The following ARHGEF26 variants were observed in gnomAD, a reference collection of about 807,000 sequenced individuals.
ARHGEF26 encodes Rho guanine nucleotide exchange factor 26.
A neutral mutation model predicts 89.4 loss-of-function variants in ARHGEF26; 59 were observed. The ratio of observed to expected loss-of-function variants is 0.66; its 90% CI spans 0.54 to 0.82. The LOEUF is 0.82. ARHGEF26 is among the 40% of genes least tolerant of loss of function. The probability of loss-of-function intolerance (pLI) is 0.00; values close to 1 mark genes in which losing one functional copy is unlikely to be tolerated. For missense variants in ARHGEF26, 1,234 were observed against 1,085.6 expected, an observed-to-expected ratio of 1.14 and a Z score of -1.92; for synonymous variants, 500 against 428.4, an observed-to-expected ratio of 1.17 and a Z score of -2.06.
At chr3:154,253,069 T>C (rs756089893) in intron 12 of ARHGEF26, 47 bp from the exon 13 acceptor site, 1 of 1,607,688 alleles carries the variant, frequency 6.2e-7, no homozygotes, top group Non-Finnish European at 8.5e-7. Context: ...CTCCATTCTG[T>C]GTTTTTACAC....
At chr3:154,238,714 A>C (rs1717269504) in intron 11 of ARHGEF26, among the ~76,000 whole-genome samples, 1 of 152,164 alleles carries the variant, frequency 6.6e-6, no homozygotes, top group South Asian at 2.1e-4. Flanking sequence ...CACTTATGTG[A>C]CAGTTATTTA....
chr3:154,162,523 A>G (rs1394979313), intron 6 of ARHGEF26, among the ~76,000 whole-genome samples: 3 of 152,096 alleles, frequency 2.0e-5, no homozygotes, highest in Non-Finnish European at 2.9e-5. Context: ...TTGTTTTGCT[A>G]TAATGTTGAT....
At chr3:154,239,313 TGTGTGTGTGTG>T (rs763159595) in intron 11 of ARHGEF26, among the ~76,000 whole-genome samples, 1 of 135,042 alleles carries the variant, frequency 7.4e-6, no homozygotes, top group East Asian at 2.2e-4. Flanking sequence ...TGTGTGTGTG[TGTGTGTGTGTG>T]TGTGTGTGTG....
At chr3:154,224,542 T>G (rs1018876531) in intron 10 of ARHGEF26, among the ~76,000 whole-genome samples, 1 of 152,248 alleles carries the variant, frequency 6.6e-6, no homozygotes, top group East Asian at 1.9e-4. Flanking sequence ...AAGATAGTCC[T>G]GTGTTTCCTG....
intron 5 of ARHGEF26, among the ~76,000 whole-genome samples, chr3:154,150,592 C>T (rs543354041): frequency 6.6e-6 from 1 of 152,180 alleles, no homozygotes; most frequent in Admixed American, 6.5e-5. Context: ...TCATATAGTA[C>T]TCTAGTCTAT....
chr3:154,187,717 A>G lies in ARHGEF26; in HGVS notation c.1520A>G (p.Asn507Ser), dbSNP rs774117651. Residue 507 changes from asparagine to serine, a missense_variant, in exon 7 of 15, where the codon AAT (asparagine) becomes AGT (serine). Physicochemically the swap from Asn to Ser is conservative, Grantham distance 46. Coordinates refer to ENST00000465093, the MANE Select transcript of ARHGEF26 (RefSeq NM_015595.4). ...ATAGAGTTGGAAGCAAGACATCAGA[A>G]TAATATCTTCATAGATGACATAAGT... ...FFIELEARHQ[N>S]NIFIDDISDI... 6 of 1,610,468 alleles carry G rather than the reference A, an allele frequency of 3.7e-6. No individual in the cohort carries two copies. In the East Asian group the frequency reaches 6.7e-5, roughly 18 times the overall value.
intron 1 of ARHGEF26, 54 bp from the exon 2 acceptor site, chr3:154,121,888 C>T: frequency 6.9e-7 from 1 of 1,445,322 alleles, no homozygotes; most frequent in Non-Finnish European, 9.2e-7. Context: ...CGCGAGTCGG[C>T]CAGGCGTCCC....
intron 4 of ARHGEF26, among the ~76,000 whole-genome samples, chr3:154,131,275 T>G (rs569779577): frequency 1.0e-3 from 154 of 152,304 alleles, no homozygotes; most frequent in Non-Finnish European, 1.8e-3. Context: ...TGACCAGATG[T>G]TCTGATAATT....
chr3:154,188,446 T>A (rs1713729509), intron 7 of ARHGEF26, among the ~76,000 whole-genome samples: 1 of 152,226 alleles, frequency 6.6e-6, no homozygotes, highest in South Asian at 2.1e-4. Flanking sequence ...TTTTTGTCCT[T>A]TTTAGGTTAC....
In ARHGEF26 at chr3:154,257,167, G is replaced by GCCCCACACTGGC; in HGVS notation, c.*1694_*1695insCCCCACACTGGC. 1.8e-6 allele frequency: 1 copy of GCCCCACACTGGC among 563,738 alleles called. No individual in the cohort carries two copies. The highest frequency in any genetic ancestry group is 2.9e-6 in the Non-Finnish European group (1 of 340,972). The allele number at this position is 563,738 out of a possible 1,614,324, so 34.9% of individuals were successfully genotyped here. A position where few individuals can be genotyped will look rare whatever the true frequency, so the allele number is the denominator to read the frequency against. On this transcript the variant is annotated 3_prime_UTR_variant, in exon 15 of 15. Transcript: ENST00000465093. ...CCTGTCACCTCGGCAATGAGCCAGT[G>GCCCCACACTGGC]TGGGGCACTGGGGACTTCTAACCCT...
At chr3:154,223,594 A>T (rs357496) in intron 10 of ARHGEF26, among the ~76,000 whole-genome samples, 103,352 of 152,044 alleles carry the variant, frequency 0.68, 35,412 homozygotes, top group East Asian at 0.87. Flanking sequence ...AAATTCAAAG[A>T]TCACATATTG....
chr3:154,243,763 C>T (rs1407352249), intron 12 of ARHGEF26, among the ~76,000 whole-genome samples: 1 of 140,486 alleles, frequency 7.1e-6, no homozygotes, highest in Non-Finnish European at 1.5e-5. Context: ...CCCTCAATTA[C>T]AGTTGAGAAG....
chr3:154,200,155 C>T (rs1714539223), intron 9 of ARHGEF26, among the ~76,000 whole-genome samples: 1 of 152,034 alleles, frequency 6.6e-6, no homozygotes. Flanking sequence ...GCTGGAGATT[C>T]TCCCCAATAT....
chr3:154,172,183 G>T (rs1712492288), intron 6 of ARHGEF26, among the ~76,000 whole-genome samples: 1 of 152,214 alleles, frequency 6.6e-6, no homozygotes, highest in South Asian at 2.1e-4. Context: ...GAACTCTGGA[G>T]TCATGGCATG....
intron 4 of ARHGEF26, among the ~76,000 whole-genome samples, chr3:154,146,286 T>C (rs75666057): frequency 0.012 from 1,776 of 152,294 alleles, 45 homozygotes; most frequent in East Asian, 0.11. Flanking sequence ...CAAAGCTTAA[T>C]CACTTCTTGA....
At chr3:154,206,602 GA>G (rs1245558020) in intron 9 of ARHGEF26, among the ~76,000 whole-genome samples, 1 of 152,138 alleles carries the variant, frequency 6.6e-6, no homozygotes, top group Non-Finnish European at 1.5e-5. Flanking sequence ...ACTGCCCAGA[GA>G]AATCAGAGAT....
chr3:154,230,420 AT>A (rs1382441871), intron 11 of ARHGEF26, among the ~76,000 whole-genome samples: 3 of 151,934 alleles, frequency 2.0e-5, no homozygotes, highest in African/African-American at 7.3e-5. Context: ...TCTTCATTTT[AT>A]TTTTCTAGAA....
At chr3:154,212,266 T>G (rs1715418985) in intron 9 of ARHGEF26, among the ~76,000 whole-genome samples, 2 of 150,710 alleles carry the variant, frequency 1.3e-5, no homozygotes, top group South Asian at 4.2e-4. Flanking sequence ...AGGTTGTTGA[T>G]CATGCCATGA....
chr3:154,171,340 T>C (rs1298156302), intron 6 of ARHGEF26, among the ~76,000 whole-genome samples: 1 of 152,204 alleles, frequency 6.6e-6, no homozygotes, highest in Non-Finnish European at 1.5e-5. Context: ...GTACATTTGT[T>C]GTAATTGATG....
Sources: allele counts gnomAD v4.1 joint callset (sites outside exome capture counted in the v4.1 genomes callset), GRCh38; gene constraint gnomAD v4.1.1; transcripts MANE v1.5; gene names NCBI Gene and HGNC (gene_info 2026-07-23, HGNC 2026-07-21).